Variants in DNAH9 observed in about 807,000 individuals in gnomAD.
DNAH9 encodes dynein axonemal heavy chain 9.
A neutral mutation model predicts 471.6 loss-of-function variants in DNAH9; 345 were observed. The ratio of observed to expected loss-of-function variants is 0.73; its 90% CI spans 0.67 to 0.80. DNAH9 has a LOEUF of 0.80. DNAH9 is among the 30% of genes least tolerant of loss of function. The probability of loss-of-function intolerance (pLI) is 0.00; values close to 1 mark genes in which losing one functional copy is unlikely to be tolerated. For missense variants in DNAH9, 5,407 were observed against 5,609.2 expected (o/e 0.96, Z 1.15); for synonymous variants, 2,093 against 2,123.6 (o/e 0.99, Z 0.40).
intron 62 of DNAH9, among the ~76,000 whole-genome samples, chr17:11,924,304 G>A (rs778600113): frequency 1.3e-5 from 2 of 152,110 alleles, no homozygotes; most frequent in Non-Finnish European, 2.9e-5. Flanking sequence ...TTCATGGCAC[G>A]TTCCTCTGCT....
rs58843056 is a variant in DNAH9 at position 11,791,853 on chromosome 17, A to G, written c.8062-1650A>G. ...TGGGCGACTTCAACAAGAGGTTTCA[A>G]TTGAGCTAGATCTTGAAATATGAGT... On this transcript the variant is annotated intron_variant, in intron 41 of 68. Coordinates refer to ENST00000262442, the MANE Select transcript of DNAH9 (RefSeq NM_001372.4). Among the ~76,000 whole-genome samples, 720 of 152,318 alleles carry G rather than the reference A, an allele frequency of 4.7e-3. 5 individuals are homozygous for G. Among genetic ancestry groups the G allele is most frequent in the African/African-American group, 0.016 (685 of 41,558 alleles).
At chr17:11,870,556 C>T (rs142949087) in intron 51 of DNAH9, among the ~76,000 whole-genome samples, 3 of 152,302 alleles carry the variant, frequency 2.0e-5, no homozygotes, top group African/African-American at 7.2e-5. Flanking sequence ...TGTGTCTGTG[C>T]AGTTGTCACT....
At chr17:11,698,215 T>TAGCAA (rs1567728735) in intron 22 of DNAH9, among the ~76,000 whole-genome samples, 2 of 32,728 alleles carry the variant, frequency 6.1e-5, no homozygotes, top group African/African-American at 1.3e-4. Flanking sequence ...AATAATATAA[T>TAGCAA]TATATTAATA....
In DNAH9 at chr17:11,948,113, T is replaced by C. The variant is rs974996999; in HGVS notation, c.12843+5628T>C. Among the ~76,000 whole-genome samples the C allele has an allele frequency of 3.9e-5, 6 of 152,150 alleles. No homozygotes were observed. In the East Asian group the frequency reaches 5.8e-4, roughly 15 times the overall value. ...ACGTGTGATGGCATCAGGCTTTTTT[T>C]CTATGCTTCAGTGGTTGATTGCCCC... On this transcript the variant is annotated intron_variant, in intron 67 of 68. Coordinates refer to ENST00000262442, the MANE Select transcript of DNAH9 (RefSeq NM_001372.4).
Position 11,843,863 on chromosome 17 carries a change from GTATATA to G in DNAH9, c.9507+8988_9507+8993del, listed in dbSNP as rs61067153. ...TGTTTGTGTGTGTGTGTGTGTGTGT[GTATATA>G]TATATATATATATATATATATACAC... On this transcript the variant is annotated intron_variant, in intron 49 of 68. Transcript: ENST00000262442. Among the ~76,000 whole-genome samples the G allele has an allele frequency of 4.3e-3, 199 of 46,460 alleles. 5 individuals are homozygous for G. The highest frequency in any genetic ancestry group is 0.026 in the South Asian group (38 of 1,446). The allele number at this position is 46,460 out of a possible 152,430, so 30.5% of individuals were successfully genotyped here.
chr17:11,776,257 A>G (rs1202482940), intron 38 of DNAH9, among the ~76,000 whole-genome samples: 1 of 152,016 alleles, frequency 6.6e-6, no homozygotes, highest in Admixed American at 6.5e-5. Context: ...ATATCAGGTT[A>G]ATGACAGTGA....
chr17:11,704,065 A>G, intron 24 of DNAH9, 138 bp from the exon 25 acceptor site: 1 of 953,464 alleles, frequency 1.0e-6, no homozygotes, highest in Non-Finnish European at 1.6e-6. Context: ...TGGTTCACTT[A>G]GTCAGTGCTG....
At chr17:11,770,223 G>A (rs1295258900) in intron 38 of DNAH9, among the ~76,000 whole-genome samples, 1 of 152,186 alleles carries the variant, frequency 6.6e-6, no homozygotes, top group Non-Finnish European at 1.5e-5. Flanking sequence ...CCAGGCCTTA[G>A]GCCAGCAGAC....
Position 11,830,255 on chromosome 17 carries a change from T to C in DNAH9, c.9247-4383T>C, listed in dbSNP as rs1597707816. ...TCCTGAGTTAGGTTTCACTTGTCCC[T>C]CGTTGGCACTGCTCACATGCCACTG... On this transcript the variant is annotated intron_variant, in intron 48 of 68. Transcript: ENST00000262442. Among the ~76,000 whole-genome samples the C allele has an allele frequency of 3.9e-5, 6 of 152,348 alleles. No homozygotes were observed. The South Asian group carries it at 1.2e-3, about 32-fold the overall frequency.
At chr17:11,826,375 A>C (rs1160732368) in intron 48 of DNAH9, among the ~76,000 whole-genome samples, 1 of 143,276 alleles carries the variant, frequency 7.0e-6, no homozygotes, top group Non-Finnish European at 1.5e-5. Flanking sequence ...GTAATTTTAG[A>C]CTCTTCCCTT....
At chr17:11,897,201 T>G (rs539345745) in intron 59 of DNAH9, among the ~76,000 whole-genome samples, 1 of 152,376 alleles carries the variant, frequency 6.6e-6, no homozygotes, top group South Asian at 2.1e-4. Flanking sequence ...TGTGTACTTT[T>G]ATACTAAGCC....
chr17:11,848,187 C>T (rs564719842), intron 49 of DNAH9, among the ~76,000 whole-genome samples: 1 of 152,220 alleles, frequency 6.6e-6, no homozygotes, highest in African/African-American at 2.4e-5. Flanking sequence ...ATTTTGCCTG[C>T]AGAAACCCTA....
Position 11,823,322 on chromosome 17 carries a change from G to A in DNAH9, c.9246+288G>A, listed in dbSNP as rs1442237952. On this transcript the variant is annotated intron_variant, in intron 48 of 68. Transcript: ENST00000262442. ...TCAGGCTGAGTTCCCCAGCAGAAGT[G>A]CATATGCCCCGCTCAGGTCTGATCC... Among the ~76,000 whole-genome samples, 5 of 152,202 alleles carry A rather than the reference G, an allele frequency of 3.3e-5. No homozygotes were observed. In the East Asian group the frequency reaches 9.7e-4, roughly 29 times the overall value.
intron 24 of DNAH9, among the ~76,000 whole-genome samples, chr17:11,703,017 C>T (rs144590324): frequency 0.011 from 1,651 of 149,942 alleles, 34 homozygotes; most frequent in African/African-American, 0.039. Flanking sequence ...GGCGTGAACC[C>T]GGGAGGCGGA....
intron 9 of DNAH9, among the ~76,000 whole-genome samples, chr17:11,638,288 A>T (rs2073200476): frequency 6.6e-6 from 1 of 152,212 alleles, no homozygotes; most frequent in Non-Finnish European, 1.5e-5. Context: ...TCTTACGGTC[A>T]GATACAGAGT....
chr17:11,822,362 C>T (rs1970337224), intron 46 of DNAH9, 76 bp from the exon 47 acceptor site: 5 of 1,544,764 alleles, frequency 3.2e-6, no homozygotes, highest in Non-Finnish European at 4.4e-6. Flanking sequence ...AGCTAGAGAA[C>T]CCAAGGCCAT....
Position 11,719,520 on chromosome 17 carries a change from G to T in DNAH9, c.5709+30G>T, listed in dbSNP as rs113496994. On this transcript the variant is annotated intron_variant, in intron 27 of 68. Coordinates refer to ENST00000262442, the MANE Select transcript of DNAH9 (RefSeq NM_001372.4). Reference sequence around the variant, plus strand: ...AGTTCCACCCGGCTTCCTGGGGGTGGGGGTGGGGGATAGGAACTCAGGGCA... The same window carrying T: ...AGTTCCACCCGGCTTCCTGGGGGTGTGGGTGGGGGATAGGAACTCAGGGCA... 13,501 of 1,591,200 alleles carry T rather than the reference G, an allele frequency of 8.5e-3. 909 individuals carry two copies. In the African/African-American group the frequency reaches 0.15, roughly 18 times the overall value.
At chr17:11,648,427 A>G (rs1260613865) in intron 12 of DNAH9, among the ~76,000 whole-genome samples, 1 of 152,202 alleles carries the variant, frequency 6.6e-6, no homozygotes, top group Non-Finnish European at 1.5e-5. Context: ...GCCTAAAGAG[A>G]TGAATATCTG....
rs545039951 is a variant in DNAH9 at position 11,945,974 on chromosome 17, G to A, written c.12843+3489G>A. Among the ~76,000 whole-genome samples the A allele has an allele frequency of 6.6e-5, 10 of 152,124 alleles. No individual in the cohort carries two copies. In the South Asian group the frequency reaches 1.0e-3, roughly 16 times the overall value. On this transcript the variant is annotated intron_variant, in intron 67 of 68. Coordinates refer to ENST00000262442, the MANE Select transcript of DNAH9 (RefSeq NM_001372.4). ...AGCACTTTGGGAGGCCGAGGTGGGC[G>A]GATCAGTTGAGGTCAGGAGTTGGAG... is the stretch of plus-strand genomic sequence containing the variant.
Sources: allele counts gnomAD v4.1 joint callset (sites outside exome capture counted in the v4.1 genomes callset), GRCh38; gene constraint gnomAD v4.1.1; transcripts MANE v1.5; gene names NCBI Gene and HGNC (gene_info 2026-07-23, HGNC 2026-07-21).